CCDC171: variants seen among roughly 807,000 people sequenced by gnomAD.
The protein encoded by CCDC171 is coiled-coil domain containing 171, also known as coiled-coil domain-containing protein 171.
CCDC171 carries 177 observed loss-of-function variants against 168.2 expected under a neutral mutation model. The ratio of observed to expected loss-of-function variants is 1.05; its 90% CI spans 0.93 to 1.19. CCDC171 has a LOEUF of 1.19. Among genes scored for constraint, CCDC171 ranks in the 50% most tolerant of loss-of-function variants. The pLI, the probability that CCDC171 is intolerant of heterozygous loss-of-function variation, is 0.00. For missense variants in CCDC171, 1,991 were observed against 1,539.0 expected, an observed-to-expected ratio of 1.29 and a Z score of -4.91; for synonymous variants, 687 against 540.8, an observed-to-expected ratio of 1.27 and a Z score of -3.75.
chr9:15,589,113 G>A (rs1345706238), intron 4 of CCDC171, among the ~76,000 whole-genome samples: 1 of 152,108 alleles, frequency 6.6e-6, no homozygotes, highest in Admixed American at 6.6e-5. Flanking sequence ...TGGATTGATG[G>A]GGGGAAAACA....
intron 7 of CCDC171, among the ~76,000 whole-genome samples, chr9:15,626,076 A>G (rs948201428): frequency 6.6e-5 from 10 of 152,158 alleles, no homozygotes; most frequent in Non-Finnish European, 1.5e-4. Context: ...TTCTCTTTGT[A>G]GCAATCATGA....
intron 25 of CCDC171, among the ~76,000 whole-genome samples, chr9:15,971,318 T>C (rs1314972873): frequency 6.6e-6 from 1 of 152,200 alleles, no homozygotes. Context: ...AAATCCCTGA[T>C]TGTATTGACT....
downstream of CCDC171, among the ~76,000 whole-genome samples, chr9:15,974,837 G>T (rs968519163): frequency 2.6e-5 from 4 of 152,104 alleles, no homozygotes; most frequent in African/African-American, 4.8e-5. Context: ...AATGTTTAAT[G>T]AGATTATTAG....
At chr9:15,931,813 G>A (rs1446209020) in intron 25 of CCDC171, among the ~76,000 whole-genome samples, 1 of 151,610 alleles carries the variant, frequency 6.6e-6, no homozygotes, top group Non-Finnish European at 1.5e-5. Flanking sequence ...TAAGAGGTAG[G>A]GGGTCTAATG....
chr9:15,867,249 ATATAATTT>A (rs1276482814), intron 23 of CCDC171, among the ~76,000 whole-genome samples: 1 of 152,106 alleles, frequency 6.6e-6, no homozygotes, highest in Middle Eastern at 3.2e-3. Context: ...AAATCTTTAA[ATATAATTT>A]TATAATTTTA....
the CCDC171 span, among the ~76,000 whole-genome samples, chr9:16,070,693 C>T: frequency 6.6e-6 from 1 of 152,190 alleles, no homozygotes; most frequent in Non-Finnish European, 1.5e-5. Context: ...TGGCCAAGTG[C>T]CGTGGGGCCT....
downstream of CCDC171, among the ~76,000 whole-genome samples, chr9:15,977,365 G>A (rs1206391427): frequency 1.3e-5 from 2 of 152,150 alleles, no homozygotes; most frequent in African/African-American, 4.8e-5. Context: ...TTGCAGTAGT[G>A]ATACCTAATT....
chr9:15,598,919 CTT>C (rs576485206), intron 6 of CCDC171, among the ~76,000 whole-genome samples: 1 of 152,060 alleles, frequency 6.6e-6, no homozygotes, highest in Non-Finnish European at 1.5e-5. Flanking sequence ...TTCTTTGTCT[CTT>C]TTGATCTTTG....
intron 4 of CCDC171, among the ~76,000 whole-genome samples, chr9:15,584,913 A>T (rs1587151769): frequency 6.6e-6 from 1 of 152,202 alleles, no homozygotes; most frequent in Non-Finnish European, 1.5e-5. Flanking sequence ...AAAGATGGGA[A>T]GTTACTTGCT....
rs532260392 is a variant in CCDC171 at position 15,820,623 on chromosome 9, C to T, written c.3268-26079C>T. Among the ~76,000 whole-genome samples, 15 of 117,410 alleles carry T rather than the reference C, an allele frequency of 1.3e-4. 4 individuals are homozygous for T. Among genetic ancestry groups the T allele is most frequent in the Admixed American group, 1.0e-3 (13 of 12,440 alleles). 77.0% of individuals were successfully genotyped at this position (117,410 alleles called of 152,430 possible). On this transcript the variant is annotated intron_variant, in intron 21 of 25. Transcript: ENST00000380701. ...TAAATTCCTCGACACATACACCCTCCTAAGACTAAACCAGGAAGAATTTGA... is the reference window on the plus strand; with the variant it reads ...TAAATTCCTCGACACATACACCCTCTTAAGACTAAACCAGGAAGAATTTGA...
In CCDC171 at chr9:15,744,371, G is replaced by A. The variant is rs2055110370; in HGVS notation, c.2148G>A (p.Leu716=). The A allele has an allele frequency of 1.9e-6, 3 of 1,614,132 alleles. No individual in the cohort carries two copies. The highest frequency in any genetic ancestry group is 2.5e-6 in the Non-Finnish European group (3 of 1,179,998). The stretch of plus-strand genomic sequence containing the variant: ...TTGAAAATTCGCACTTCAAAAAACT[G>A]TTATCACAGACTCAAAGGGAACAGA... ...LVLENSHFKK[L]LSQTQREQMS... is the part of the protein sequence containing the mutation. The change falls in exon 17 of 26, where the codon CTG becomes CTA. Residue 716 remains leucine, a synonymous_variant. Transcript: ENST00000380701.
chr9:15,889,000 C>A (rs1819837559), intron 24 of CCDC171: 1 of 110,994 alleles, frequency 9.0e-6, no homozygotes, highest in Non-Finnish European at 1.7e-5. Flanking sequence ...CTTCTGTCAT[C>A]CAGACTGGAG....
chr9:16,086,561 C>T, the CCDC171 span, among the ~76,000 whole-genome samples: 1 of 152,092 alleles, frequency 6.6e-6, no homozygotes, highest in East Asian at 1.9e-4. Flanking sequence ...CCGCCTCAGC[C>T]TCCCTATCAT....
At chr9:15,735,620 A>T (rs7860869) in intron 16 of CCDC171, among the ~76,000 whole-genome samples, 70,052 of 152,042 alleles carry the variant, frequency 0.46, 16,434 homozygotes, top group Non-Finnish European at 0.5. Flanking sequence ...TTGAGAGTGT[A>T]TTTGGCAAGG....
chr9:15,988,094 A>T (rs1035405923), intron 3 of CCDC171, among the ~76,000 whole-genome samples: 1 of 152,198 alleles, frequency 6.6e-6, no homozygotes, highest in Non-Finnish European at 1.5e-5. Flanking sequence ...AAAATATAAC[A>T]TACCATTAAT....
At chr9:15,814,768 T>C (rs1208980148) in intron 21 of CCDC171, among the ~76,000 whole-genome samples, 1 of 152,158 alleles carries the variant, frequency 6.6e-6, no homozygotes, top group Admixed American at 6.6e-5. Flanking sequence ...GATCTACTGA[T>C]TTATCTTTCT....
chr9:15,801,579 C>A (rs531884613), intron 21 of CCDC171, among the ~76,000 whole-genome samples: 2 of 151,908 alleles, frequency 1.3e-5, no homozygotes, highest in African/African-American at 2.4e-5. Context: ...AATTTGACTT[C>A]TTCCTTTCTA....
At position 15,749,658 on chromosome 9, in the gene CCDC171, A is replaced by G. The variant is rs192923847; in HGVS notation, c.2671+4027A>G. Among the ~76,000 whole-genome samples, 172 of 152,368 alleles carry G rather than the reference A, an allele frequency of 1.1e-3. 2 individuals are homozygous for G. The highest frequency in any genetic ancestry group is 6.8e-4 in the Non-Finnish European group (46 of 68,036). ...CACTGCAATCAAACTAGAACTCAGG[A>G]TTAAGAAACTCACTCTAAACCGCTC... On this transcript the variant is annotated intron_variant, in intron 18 of 25. Coordinates refer to ENST00000380701, the MANE Select transcript of CCDC171 (RefSeq NM_173550.4).
At chr9:15,824,496 G>T (rs910744394) in intron 21 of CCDC171, among the ~76,000 whole-genome samples, 8 of 151,984 alleles carry the variant, frequency 5.3e-5, no homozygotes. Context: ...ACAGTTAGTG[G>T]TATGCTGCCC....
Sources: gnomAD v4.1 joint callset for allele counts (sites outside exome capture counted in the v4.1 genomes callset) on GRCh38, gnomAD v4.1.1 for gene constraint, MANE v1.5 for transcripts, NCBI Gene and HGNC (gene_info 2026-07-23, HGNC 2026-07-21) for gene names.